Variants in ATG5 observed in about 807,000 individuals in gnomAD.
ATG5 encodes the protein autophagy protein 5.
Under a neutral mutation model 36.5 loss-of-function variants are expected in ATG5, and 14 were observed. The ratio of observed to expected loss-of-function variants is 0.38; its 90% CI spans 0.25 to 0.60. The LOEUF is 0.60. Among genes scored for constraint, ATG5 ranks in the 20% least tolerant of loss-of-function variants. The probability of loss-of-function intolerance (pLI) is 0.60; values close to 1 mark genes in which losing one functional copy is unlikely to be tolerated. For missense variants in ATG5, 195 were observed against 326.7 expected, an observed-to-expected ratio of 0.60 and a Z score of 3.11; for synonymous variants, 95 against 101.5, an observed-to-expected ratio of 0.94 and a Z score of 0.38.
rs561983389 is a variant in ATG5, at chr6:106,285,692, G to A, written c.316-5869C>T. Among the ~76,000 whole-genome samples, 4 of 152,318 alleles carry A rather than the reference G, an allele frequency of 2.6e-5. No homozygotes were observed. In the East Asian group the frequency reaches 7.7e-4, roughly 29 times the overall value. ...TCAACTAGGCTGTTGTAGCCGCAAA[G>A]CAGTCATAGACAATATGTATATGAA... On this transcript the variant is annotated intron_variant, in intron 4 of 7. Coordinates refer to ENST00000369076, the MANE Select transcript of ATG5 (RefSeq NM_004849.4).
chr6:106,228,243 G>A (rs1276304873), intron 6 of ATG5, among the ~76,000 whole-genome samples: 1 of 152,132 alleles, frequency 6.6e-6, no homozygotes, highest in African/African-American at 2.4e-5. Flanking sequence ...CTCGAGCTGA[G>A]CTTTCACTCT....
intron 6 of ATG5, among the ~76,000 whole-genome samples, chr6:106,227,913 A>C (rs1228181654): frequency 6.6e-6 from 1 of 152,222 alleles, no homozygotes; most frequent in Non-Finnish European, 1.5e-5. Flanking sequence ...GAGAAGGAAT[A>C]AGGAACCAAC....
At chr6:106,323,595 T>C (rs571825764) in intron 1 of ATG5, among the ~76,000 whole-genome samples, 10 of 152,248 alleles carry the variant, frequency 6.6e-5, no homozygotes, top group African/African-American at 2.4e-4. Context: ...TTGACCCTTC[T>C]TCTACCTGAC....
chr6:106,197,528 T>TA (rs1554212031), intron 7 of ATG5, among the ~76,000 whole-genome samples: 79 of 54,960 alleles, frequency 1.4e-3, no homozygotes, highest in African/African-American at 4.9e-3. Flanking sequence ...TGGGTTGGGG[T>TA]GGGGGGGGCG....
At chr6:106,201,866 T>C (rs1303331272) in intron 7 of ATG5, 106 bp downstream of exon 7, 1 of 797,086 alleles carries the variant, frequency 1.3e-6, no homozygotes, top group African/African-American at 1.7e-5. Flanking sequence ...CTGTAAGATA[T>C]GAAAATATCT....
intron 7 of ATG5, among the ~76,000 whole-genome samples, chr6:106,192,570 C>A (rs1178277913): frequency 6.6e-6 from 1 of 152,056 alleles, no homozygotes; most frequent in Non-Finnish European, 1.5e-5. Context: ...ATGTTTTTAA[C>A]AAGAAAATTT....
At chr6:106,223,867 A>G (rs969433973) in intron 6 of ATG5, among the ~76,000 whole-genome samples, 5 of 152,252 alleles carry the variant, frequency 3.3e-5, no homozygotes, top group African/African-American at 1.2e-4. Flanking sequence ...ACAATAAGCT[A>G]AACAATGTAC....
At chr6:106,309,157 C>G (rs3804335) in intron 2 of ATG5, among the ~76,000 whole-genome samples, 2 of 152,242 alleles carry the variant, frequency 1.3e-5, no homozygotes, top group Non-Finnish European at 2.9e-5. Context: ...ACACTCTAGC[C>G]ATTTCTTGCT....
intron 5 of ATG5, among the ~76,000 whole-genome samples, chr6:106,253,289 AG>A (rs1341884748): frequency 2.6e-5 from 4 of 152,216 alleles, no homozygotes; most frequent in Non-Finnish European, 5.9e-5. Context: ...ACACAGAAGT[AG>A]GTGGGCCCAG....
Position 106,216,141 on chromosome 6 carries a change from T to A in ATG5, c.574-14052A>T, listed in dbSNP as rs112037799. 5.6e-3 allele frequency among the ~76,000 whole-genome samples: 852 copies of A among 152,288 alleles called. 4 individuals carry two copies. Among genetic ancestry groups the A allele is most frequent in the African/African-American group, 0.019 (799 of 41,548 alleles). On this transcript the variant is annotated intron_variant, in intron 6 of 7. Coordinates refer to ENST00000369076, the MANE Select transcript of ATG5 (RefSeq NM_004849.4). ...ACAAATTGGAACCCTCCTCATACAC[T>A]GATGGTAGAAATGTAAAATGGTGCA...
intron 6 of ATG5, among the ~76,000 whole-genome samples, chr6:106,227,167 T>G (rs1262522539): frequency 6.6e-6 from 1 of 152,002 alleles, no homozygotes; most frequent in Non-Finnish European, 1.5e-5. Flanking sequence ...ATCAAATGAC[T>G]GAAATATAAA....
At chr6:106,321,924 T>C (rs1228890245) in intron 1 of ATG5, among the ~76,000 whole-genome samples, 3 of 152,124 alleles carry the variant, frequency 2.0e-5, no homozygotes, top group Non-Finnish European at 4.4e-5. Context: ...TGGGGAAAAA[T>C]ATATAAATAT....
intron 1 of ATG5, among the ~76,000 whole-genome samples, chr6:106,319,289 T>C (rs900510909): frequency 2.0e-5 from 3 of 152,124 alleles, no homozygotes; most frequent in African/African-American, 7.2e-5. Context: ...CAAAAACTAA[T>C]AATAATCAAA....
chr6:106,279,879 C>A, intron 4 of ATG5, 56 bp from the exon 5 acceptor site: 1 of 1,180,810 alleles, frequency 8.5e-7, no homozygotes, highest in Non-Finnish European at 1.1e-6. Flanking sequence ...CAAAATTAAC[C>A]TCTTAAAAGA....
chr6:106,234,816 A>G (rs987510189), intron 6 of ATG5, among the ~76,000 whole-genome samples: 2 of 152,222 alleles, frequency 1.3e-5, no homozygotes, highest in African/African-American at 4.8e-5. Context: ...ACTACAAACT[A>G]TCTCAAGAAC....
chr6:106,194,784 G>T (rs533358494), intron 7 of ATG5, among the ~76,000 whole-genome samples: 2 of 152,084 alleles, frequency 1.3e-5, no homozygotes, highest in Non-Finnish European at 2.9e-5. Context: ...TGATCCACCC[G>T]CCTAGCTTAC....
intron 6 of ATG5, among the ~76,000 whole-genome samples, chr6:106,246,388 T>TCA (rs1309723567): frequency 3.1e-5 from 3 of 95,556 alleles, no homozygotes; most frequent in Admixed American, 1.3e-4. Context: ...TCTCTCTCTC[T>TCA]CTCTCACACA....
chr6:106,320,845 T>G (rs890787223), intron 1 of ATG5, among the ~76,000 whole-genome samples: 6 of 152,124 alleles, frequency 3.9e-5, no homozygotes, highest in African/African-American at 1.4e-4. Context: ...ATAAAAACAA[T>G]TATCTGGTAG....
At chr6:106,248,856 T>G (rs927360097) in intron 5 of ATG5, among the ~76,000 whole-genome samples, 1 of 152,178 alleles carries the variant, frequency 6.6e-6, no homozygotes, top group Admixed American at 6.5e-5. Flanking sequence ...GAGAATTGCT[T>G]GAACCTGGGA....
Sources: gnomAD v4.1 joint callset for allele counts (sites outside exome capture counted in the v4.1 genomes callset) on GRCh38, gnomAD v4.1.1 for gene constraint, MANE v1.5 for transcripts, NCBI Gene and HGNC (gene_info 2026-07-23, HGNC 2026-07-21) for gene names.